Variants in ZNF710 observed in about 807,000 individuals in gnomAD.
ZNF710 encodes the protein zinc finger protein 710.
ZNF710 carries 13 observed loss-of-function variants against 50.6 expected under a neutral mutation model. That is an observed-to-expected ratio of 0.26 (90% CI 0.17 to 0.41). The LOEUF is 0.41. Ranked by LOEUF, ZNF710 falls within the 10% of genes least tolerant of loss-of-function variation. ZNF710 has a pLI of 1.00. For synonymous variants in ZNF710, 383 were observed against 397.0 expected, an observed-to-expected ratio of 0.96 and a Z score of 0.42; for missense variants, 721 against 936.6, an observed-to-expected ratio of 0.77 and a Z score of 3.01.
chr15:90,003,841 C>T (rs571775070), intron 1 of ZNF710, among the ~76,000 whole-genome samples: 1 of 152,266 alleles, frequency 6.6e-6, no homozygotes, highest in East Asian at 1.9e-4. Context: ...AGGTGCCCAC[C>T]TGGTGCCCCA....
intron 1 of ZNF710, among the ~76,000 whole-genome samples, chr15:90,011,517 C>G (rs1295446801): frequency 1.3e-5 from 2 of 152,176 alleles, no homozygotes; most frequent in Non-Finnish European, 2.9e-5. Flanking sequence ...CCCCACATTC[C>G]ATTGTCATAC....
chr15:90,070,474 CCA>C (rs1376382676), intron 2 of ZNF710, among the ~76,000 whole-genome samples: 1 of 151,558 alleles, frequency 6.6e-6, no homozygotes, highest in African/African-American at 2.4e-5. Context: ...GAGTTTGAGA[CCA>C]GCCTGGCTAA....
rs191736819 is a variant in ZNF710, at chr15:90,034,753, C to T, written c.-28-32357C>T. 1.3e-5 allele frequency among the ~76,000 whole-genome samples: 2 copies of T among 152,186 alleles called. No individual in the cohort carries two copies. Among genetic ancestry groups the T allele is most frequent in the Non-Finnish European group, 2.9e-5 (2 of 68,032 alleles). On this transcript the variant is annotated intron_variant, in intron 1 of 4. Coordinates refer to ENST00000268154, the MANE Select transcript of ZNF710 (RefSeq NM_198526.4). The surrounding 1 kb of genome is among the most constrained non-coding windows in gnomAD (Gnocchi z 4.0). ...TTGTTCTGGCCGTGGGTGGGGCACCCGGCTCCACCTGCCTCAGGTTTTGCC... is the reference window on the plus strand; with the variant it reads ...TTGTTCTGGCCGTGGGTGGGGCACCTGGCTCCACCTGCCTCAGGTTTTGCC...
rs1344597463 is a variant in ZNF710 at position 90,068,710 on chromosome 15, C to T, written c.1458+115C>T. ...AGGTGGTCTCCTAGTTTTATCGTTACGTACTTATTTTGATGAGTATTAGAA... is the reference window on the plus strand; with the variant it reads ...AGGTGGTCTCCTAGTTTTATCGTTATGTACTTATTTTGATGAGTATTAGAA... On this transcript the variant is annotated intron_variant, in intron 2 of 4. Transcript: ENST00000268154. This position sits in a 1 kb window ranked among gnomAD's most constrained non-coding sequence, Gnocchi z 5.0. 17 of 1,195,044 alleles carry T rather than the reference C, an allele frequency of 1.4e-5. No homozygotes were observed. Among genetic ancestry groups the T allele is most frequent in the South Asian group, 1.2e-4 (8 of 65,718 alleles). The allele number at this position is 1,195,044 out of a possible 1,614,324, so 74.0% of individuals were successfully genotyped here.
Position 90,041,287 on chromosome 15 carries a change from C to T in ZNF710, c.-28-25823C>T, listed in dbSNP as rs1311926576. On this transcript the variant is annotated intron_variant, in intron 1 of 4. Transcript: ENST00000268154. ...CATGATCACAGCTCCAACATCTGGG[C>T]TCAAGTGATCTTCCCACCTCAGCCT... Among the ~76,000 whole-genome samples, 5 of 152,256 alleles carry T rather than the reference C, an allele frequency of 3.3e-5. No individual in the cohort carries two copies. In the East Asian group the frequency reaches 9.6e-4, roughly 29 times the overall value.
chr15:90,013,760 T>C (rs1445382332), intron 1 of ZNF710, among the ~76,000 whole-genome samples: 2 of 152,192 alleles, frequency 1.3e-5, no homozygotes, highest in African/African-American at 2.4e-5. Context: ...CGATTTTTGG[T>C]CAAAGTCCTA....
intron 1 of ZNF710, among the ~76,000 whole-genome samples, chr15:90,022,237 G>T (rs1056446042): frequency 5.3e-5 from 8 of 149,668 alleles, no homozygotes; most frequent in Non-Finnish European, 7.4e-5. Flanking sequence ...TTAGCCGGGT[G>T]TGGTGGTGCA....
intron 4 of ZNF710, chr15:90,076,765 A>G (rs1427110608): frequency 6.7e-6 from 1 of 149,532 alleles, no homozygotes; most frequent in Non-Finnish European, 1.5e-5. Flanking sequence ...AAAAGCATTC[A>G]TTTAGCAGGT....
Position 90,034,393 on chromosome 15 carries a change from A to G in ZNF710, c.-28-32717A>G, listed in dbSNP as rs1899045818. Among the ~76,000 whole-genome samples the G allele has an allele frequency of 6.6e-6, 1 of 151,532 alleles. No individual in the cohort carries two copies. The stretch of plus-strand genomic sequence containing the variant: ...AAAGTGGATTGCATTGTGGGTCCCC[A>G]GAAGTTGCCAGCTGTCCTTCCTGTT... On this transcript the variant is annotated intron_variant, in intron 1 of 4. Coordinates refer to ENST00000268154, the MANE Select transcript of ZNF710 (RefSeq NM_198526.4). The surrounding 1 kb of genome is among the most constrained non-coding windows in gnomAD (Gnocchi z 4.0).
chr15:90,063,034 T>C (rs1443518339), intron 1 of ZNF710, among the ~76,000 whole-genome samples: 1 of 152,000 alleles, frequency 6.6e-6, no homozygotes, highest in Non-Finnish European at 1.5e-5. Flanking sequence ...TGAAGACTTC[T>C]AGTAGAAGGA....
chr15:90,008,521 G>A (rs1898214483), intron 1 of ZNF710, among the ~76,000 whole-genome samples: 1 of 149,068 alleles, frequency 6.7e-6, no homozygotes, highest in Middle Eastern at 3.5e-3. Context: ...AGTGGCTCAT[G>A]CCTGTAATCA....
chr15:90,036,267 C>A, intron 1 of ZNF710, among the ~76,000 whole-genome samples: 1 of 128,090 alleles, frequency 7.8e-6, no homozygotes, highest in East Asian at 2.7e-4. Context: ...TTTCTCTCTC[C>A]CTCTTTCCCT....
At chr15:90,012,857 TTTA>T (rs1898351523) in intron 1 of ZNF710, among the ~76,000 whole-genome samples, 1 of 152,176 alleles carries the variant, frequency 6.6e-6, no homozygotes, top group Admixed American at 6.5e-5. Flanking sequence ...GGGTTTCTAT[TTTA>T]TTATTTTTCA....
At chr15:90,077,973 C>T (rs976899196) in intron 4 of ZNF710, among the ~76,000 whole-genome samples, 1 of 151,878 alleles carries the variant, frequency 6.6e-6, no homozygotes, top group Middle Eastern at 3.4e-3. Flanking sequence ...TTTGAGAGGC[C>T]GAGGCAGGCG....
chr15:90,034,991 T>G lies in ZNF710; in HGVS notation c.-28-32119T>G, dbSNP rs1191873885. On this transcript the variant is annotated intron_variant, in intron 1 of 4. Coordinates refer to ENST00000268154, the MANE Select transcript of ZNF710 (RefSeq NM_198526.4). This position sits in a 1 kb window ranked among gnomAD's most constrained non-coding sequence, Gnocchi z 4.0. ...GTAGAAGGGGTGTCTGGAGGGCCTC[T>G]GCCTTCCGTCATCAGAAGGAGGTTC... 6.6e-6 allele frequency among the ~76,000 whole-genome samples: 1 copy of G among 152,224 alleles called. No individual in the cohort carries two copies. The highest frequency in any genetic ancestry group is 2.4e-5 in the African/African-American group (1 of 41,462).
chr15:90,001,084 GAAAT>G (rs1897998990), upstream of ZNF710, among the ~76,000 whole-genome samples: 1 of 152,028 alleles, frequency 6.6e-6, no homozygotes, highest in South Asian at 2.1e-4. Context: ...CCCTTTTAGA[GAAAT>G]AAGAAAGGAG....
At chr15:90,038,936 C>T (rs1473990935) in intron 1 of ZNF710, among the ~76,000 whole-genome samples, 2 of 152,122 alleles carry the variant, frequency 1.3e-5, no homozygotes, top group Non-Finnish European at 2.9e-5. Context: ...GGCATCCTGT[C>T]CAGCCACCCA....
At chr15:90,054,545 G>T (rs542564950) in intron 1 of ZNF710, among the ~76,000 whole-genome samples, 2 of 152,348 alleles carry the variant, frequency 1.3e-5, no homozygotes, top group East Asian at 3.9e-4. Flanking sequence ...GACTGCCTCA[G>T]TTTCCACGTC....
chr15:90,006,307 G>A (rs1033297811), intron 1 of ZNF710, among the ~76,000 whole-genome samples: 2 of 152,154 alleles, frequency 1.3e-5, no homozygotes, highest in Non-Finnish European at 2.9e-5. Context: ...AAACTAGTGG[G>A]AATTTTAAAA....
Sources: gnomAD v4.1 joint callset for allele counts (sites outside exome capture counted in the v4.1 genomes callset) on GRCh38, gnomAD v4.1.1 for gene constraint, Gnocchi (gnomAD v3.1) non-coding constraint, MANE v1.5 for transcripts, NCBI Gene and HGNC (gene_info 2026-07-23, HGNC 2026-07-21) for gene names.